The following RAD23A variants were observed in gnomAD, a reference collection of about 807,000 sequenced individuals.
RAD23A encodes lysine-specific demethylase RAD23A.
Under a neutral mutation model 44.8 loss-of-function variants are expected in RAD23A, and 16 were observed. The ratio of observed to expected loss-of-function variants is 0.36; its 90% CI spans 0.24 to 0.54. RAD23A has a LOEUF of 0.54. Ranked by LOEUF, RAD23A falls within the 20% of genes least tolerant of loss-of-function variation. The pLI is 0.89. For missense variants in RAD23A, 380 were observed against 483.3 expected (o/e 0.79, Z 2.00); for synonymous variants, 217 against 202.9 (o/e 1.07, Z -0.59).
At chr19:12,946,074 T>TGGGGGGGGTTGGGGGGGGGGGGG in intron 1 of RAD23A, 54 bp downstream of exon 1, 1 of 131,716 alleles carries the variant, frequency 7.6e-6, no homozygotes, top group Non-Finnish European at 1.4e-5. Context: ...GGGGGTGGGG[T>TGGGGGGGGTTGGGGGGGGGGGGG]GGGGGCGGGG....
In RAD23A at chr19:12,947,904, G is replaced by C; in HGVS notation, c.129G>C (p.Val43=). 6.2e-7 allele frequency: 1 copy of C among 1,614,058 alleles called. No homozygotes were observed. ...EAEKGRDAFP[V]AGQKLIYAGK... ...AGAAGGGTCGTGATGCCTTCCCCGT[G>C]GCTGGACAGAAACTCATCTATGCCG... Residue 43 remains valine (V), a synonymous_variant, in exon 2 of 9, where the codon GTG becomes GTC. Coordinates refer to ENST00000586534, the MANE Select transcript of RAD23A (RefSeq NM_005053.4).
intron 7 of RAD23A, among the ~76,000 whole-genome samples, chr19:12,952,192 A>G (rs1672062434): frequency 6.6e-6 from 1 of 151,338 alleles, no homozygotes; most frequent in African/African-American, 2.4e-5. Flanking sequence ...GGTGTGAACC[A>G]CTGCAGCCAG....
chr19:12,950,558 C>T (rs1174103717), intron 7 of RAD23A, among the ~76,000 whole-genome samples: 2 of 152,078 alleles, frequency 1.3e-5, no homozygotes, highest in Non-Finnish European at 2.9e-5. Flanking sequence ...CCCGCCACCA[C>T]GCCTGACTAA....
intron 5 of RAD23A, 59 bp from the exon 6 acceptor site, chr19:12,949,022 C>A (rs1017247736): frequency 1.9e-6 from 3 of 1,568,444 alleles, no homozygotes; most frequent in African/African-American, 1.4e-5. Context: ...CCTGCCAGGG[C>A]ATGGAGGAGG....
intron 1 of RAD23A, 64 bp downstream of exon 1, chr19:12,946,084 G>GGGGTTGGGGGGGGGGGGGGGGGGGGGGGC: frequency 2.0e-6 from 1 of 512,146 alleles, no homozygotes; most frequent in Non-Finnish European, 3.7e-6. Flanking sequence ...TGGGGGCGGG[G>GGGGTTGGGGGGGGGGGGGGGGGGGGGGGC]AGGCTAGAAT....
In RAD23A at chr19:12,953,298, G is replaced by T; in HGVS notation, c.*249G>T. The T allele has an allele frequency of 3.0e-6, 1 of 330,614 alleles. No individual in the cohort carries two copies. Among genetic ancestry groups the T allele is most frequent in the Non-Finnish European group, 5.3e-6 (1 of 187,088 alleles). The allele number at this position is 330,614 out of a possible 1,614,324, so 20.5% of individuals were successfully genotyped here. Reference sequence around the variant, plus strand: ...CCTGCTCAGAGAAGCTGGCAGGACTGGGAGGCGACAGATGGGCCCCTCTTG... The same window carrying T: ...CCTGCTCAGAGAAGCTGGCAGGACTTGGAGGCGACAGATGGGCCCCTCTTG... On this transcript the variant is annotated 3_prime_UTR_variant, in exon 9 of 9. Transcript: ENST00000586534.
At position 12,953,159 on chromosome 19, in the gene RAD23A, AT is replaced by A. The variant is rs1205740520; in HGVS notation, c.*111del. 1.2e-5 allele frequency: 9 copies of A among 781,062 alleles called. No individual in the cohort carries two copies. The highest frequency in any genetic ancestry group is 1.3e-5 in the Non-Finnish European group (7 of 519,196). The allele number at this position is 781,062 out of a possible 1,614,324, so 48.4% of individuals were successfully genotyped here. A position where few individuals can be genotyped will look rare whatever the true frequency, so the allele number is the denominator to read the frequency against. On this transcript the variant is annotated 3_prime_UTR_variant, in exon 9 of 9. Transcript: ENST00000586534. ...GTTTATTTAAGAAATGGAAAAAAAAATCAAAAATCTTAAAAAAACAAGCAAA... is the reference window on the plus strand; with the variant it reads ...GTTTATTTAAGAAATGGAAAAAAAAACAAAAATCTTAAAAAAACAAGCAAA...
chr19:12,947,708 A>G (rs762234094), intron 1 of RAD23A, 140 bp from the exon 2 acceptor site: 3 of 738,794 alleles, frequency 4.1e-6, no homozygotes, highest in Non-Finnish European at 6.8e-6. Context: ...CAAATCTAGC[A>G]TGCTTTAGAT....
chr19:12,945,938 C>T lies in RAD23A; in HGVS notation c.-11C>T. 5.0e-6 allele frequency: 8 copies of T among 1,606,518 alleles called. No individual in the cohort carries two copies. Among genetic ancestry groups the T allele is most frequent in the Non-Finnish European group, 6.8e-6 (8 of 1,177,892 alleles). On this transcript the variant is annotated 5_prime_UTR_variant, in exon 1 of 9. Coordinates refer to ENST00000586534, the MANE Select transcript of RAD23A (RefSeq NM_005053.4). ...AGGATCCCGGGGCCGCCGCGTCGCT[C>T]GGGCCCCGCCATGGCCGTCACCATC...
intron 7 of RAD23A, chr19:12,949,660 G>A: frequency 1.8e-6 from 1 of 548,064 alleles, no homozygotes; most frequent in Admixed American, 3.1e-5. Flanking sequence ...AGAGCAGCCT[G>A]TCATTCCCAG....
At position 12,949,600 on chromosome 19, in the gene RAD23A, G is replaced by A. The variant is rs964755501; in HGVS notation, c.813+192G>A. ...TCAGTCTTCCCAACCACCTTGTAAGGTGTGGGTGCTGTCAACATCACCTCC... is the reference window on the plus strand; with the variant it reads ...TCAGTCTTCCCAACCACCTTGTAAGATGTGGGTGCTGTCAACATCACCTCC... On this transcript the variant is annotated intron_variant, in intron 7 of 8. Coordinates refer to ENST00000586534, the MANE Select transcript of RAD23A (RefSeq NM_005053.4). 1.9e-5 allele frequency: 13 copies of A among 679,794 alleles called. No homozygotes were observed. The South Asian group carries it at 2.6e-4, about 14-fold the overall frequency. The allele number at this position is 679,794 out of a possible 1,614,324, so 42.1% of individuals were successfully genotyped here.
At position 12,949,349 on chromosome 19, in the gene RAD23A, C is replaced by G; in HGVS notation, c.754C>G (p.Pro252Ala). 3.1e-6 allele frequency: 5 copies of G among 1,614,088 alleles called. No homozygotes were observed. The highest frequency in any genetic ancestry group is 2.5e-6 in the Non-Finnish European group (3 of 1,179,964). ...CATGCGGCAGGTGATTCAGCAGAAC[C>G]CTGCGCTGCTGCCCGCCCTGCTCCA... ...QNMRQVIQQN[P>A]ALLPALLQQL... is the part of the protein sequence containing the mutation. Residue 252 changes from proline to alanine, a missense_variant, in exon 7 of 9, where the codon CCT becomes GCT. Transcript: ENST00000586534.
At chr19:12,946,056 C>CGGGGGGGGGGGGGGGGG in intron 1 of RAD23A, 36 bp downstream of exon 1, 2 of 110,912 alleles carry the variant, frequency 1.8e-5, no homozygotes, top group Non-Finnish European at 3.3e-5. Context: ...GCGGGAGCGA[C>CGGGGGGGGGGGGGGGGG]GGGTTTCGGG....
At chr19:12,950,322 T>C (rs1476302275) in intron 7 of RAD23A, among the ~76,000 whole-genome samples, 1 of 152,192 alleles carries the variant, frequency 6.6e-6, no homozygotes, top group Non-Finnish European at 1.5e-5. Flanking sequence ...TCCAGCTCTC[T>C]GGTAGCCTCT....
Position 12,948,262 on chromosome 19 carries a change from C to G in RAD23A, c.320C>G (p.Pro107Arg). Residue 107 changes from proline to arginine, a missense_variant, in exon 3 of 9, where the codon CCC becomes CGC. By Grantham distance (103) the Pro-to-Arg change is moderately radical. Coordinates refer to ENST00000586534, the MANE Select transcript of RAD23A (RefSeq NM_005053.4). This position sits in a 1 kb window ranked among gnomAD's most constrained non-coding sequence, Gnocchi z 5.5. ...PESSTSFPPA[P>R]TSGMSHPPPA... ...TCCTCTACATCCTTCCCGCCTGCCC[C>G]CACCTCAGGCATGTCCCATCCCCCA... 1 of 1,613,726 alleles carries G rather than the reference C, an allele frequency of 6.2e-7. No homozygotes were observed. Among genetic ancestry groups the G allele is most frequent in the Non-Finnish European group, 8.5e-7 (1 of 1,179,696 alleles).
intron 7 of RAD23A, among the ~76,000 whole-genome samples, chr19:12,950,370 T>C (rs986942718): frequency 1.3e-5 from 2 of 152,096 alleles, no homozygotes; most frequent in Non-Finnish European, 2.9e-5. Flanking sequence ...CACAGTCCAC[T>C]TTTCAACCAT....
chr19:12,950,001 C>T (rs1027740117), intron 7 of RAD23A, among the ~76,000 whole-genome samples: 1 of 152,088 alleles, frequency 6.6e-6, no homozygotes, highest in Non-Finnish European at 1.5e-5. Flanking sequence ...CCAGCTCCTC[C>T]TGGTCGGTCG....
intron 7 of RAD23A, chr19:12,952,283 G>A (rs569194904): frequency 1.0e-4 from 17 of 170,196 alleles, no homozygotes; most frequent in South Asian, 3.5e-4. Flanking sequence ...TGCAGCCTCC[G>A]CCTCCTGGGT....
In RAD23A at chr19:12,948,712, CTGA is replaced by C; in HGVS notation, c.500_502del (p.Leu167_Thr168delinsPro). 1.2e-6 allele frequency: 2 copies of C among 1,613,328 alleles called. No homozygotes were observed. Among genetic ancestry groups the C allele is most frequent in the Non-Finnish European group, 1.7e-6 (2 of 1,179,888 alleles). ...GACGGGCTCTGAGTATGAGACGATG[CTGA>C]CGGAGATCATGTCCATGGGCTATGA... On this transcript the variant is annotated inframe_deletion, in exon 5 of 9. Transcript: ENST00000586534. The surrounding 1 kb of genome is among the most constrained non-coding windows in gnomAD (Gnocchi z 5.5).
Sources: allele counts gnomAD v4.1 joint callset (sites outside exome capture counted in the v4.1 genomes callset), GRCh38; gene constraint gnomAD v4.1.1; non-coding constraint Gnocchi (gnomAD v3.1); transcripts MANE v1.5; gene names NCBI Gene and HGNC (gene_info 2026-07-23, HGNC 2026-07-21).